DGKB: variants seen among roughly 807,000 people sequenced by gnomAD.
The protein encoded by DGKB is 90 kDa diacylglycerol kinase.
A neutral mutation model predicts 114.3 loss-of-function variants in DGKB; 67 were observed. The ratio of observed to expected loss-of-function variants is 0.59; its 90% confidence interval spans 0.48 to 0.72. The LOEUF (loss-of-function observed/expected upper bound fraction) is 0.72, where lower values mean the gene tolerates loss of function less well. DGKB is among the 30% of genes least tolerant of loss of function. The probability of loss-of-function intolerance (pLI) is 0.00; values close to 1 mark genes in which losing one functional copy is unlikely to be tolerated. For missense variants in DGKB, 907 were observed against 975.2 expected (o/e 0.93, Z 0.93); for synonymous variants, 398 against 323.1 (o/e 1.23, Z -2.49).
At position 14,327,868 on chromosome 7, in the gene DGKB, T is replaced by C. The variant is rs947083156; in HGVS notation, c.2122+10647A>G. 3.3e-5 allele frequency among the ~76,000 whole-genome samples: 5 copies of C among 152,268 alleles called. No individual in the cohort carries two copies. In the South Asian group the frequency reaches 6.2e-4, roughly 19 times the overall value. On this transcript the variant is annotated intron_variant, in intron 23 of 25. Transcript: ENST00000402815. ...AATACATTATTTCATTTTTGCTCAA[T>C]TACTTACTAGAGAAATGTATAAGTA... is the stretch of plus-strand genomic sequence containing the variant.
intron 2 of DGKB, among the ~76,000 whole-genome samples, chr7:14,804,538 T>A (rs1842570157): frequency 6.6e-6 from 1 of 152,074 alleles, no homozygotes; most frequent in Non-Finnish European, 1.5e-5. Flanking sequence ...GGTGTTCAGT[T>A]TTAGGTAGAA....
At chr7:14,850,340 CT>C (rs5882467) in intron 1 of DGKB, among the ~76,000 whole-genome samples, 62,869 of 151,516 alleles carry the variant, frequency 0.41, 14,233 homozygotes, top group East Asian at 0.89. Context: ...AATCGAGAGA[CT>C]TTTTTTTTCT....
At chr7:14,585,009 TC>T (rs1281319968) in intron 17 of DGKB, among the ~76,000 whole-genome samples, 2 of 152,132 alleles carry the variant, frequency 1.3e-5, no homozygotes, top group Non-Finnish European at 2.9e-5. Flanking sequence ...ACAGCAATCT[TC>T]GCATTTAAAT....
At position 14,504,561 on chromosome 7, in the gene DGKB, C is replaced by T. The variant is rs10226821; in HGVS notation, c.1771-26336G>A. ...GAATGTCATTCATCTGCTTGAGATGCATGATTACTAATGCACTGTAAAATT... is the reference window on the plus strand; with the variant it reads ...GAATGTCATTCATCTGCTTGAGATGTATGATTACTAATGCACTGTAAAATT... On this transcript the variant is annotated intron_variant, in intron 20 of 25. Coordinates refer to ENST00000402815, the MANE Select transcript of DGKB (RefSeq NM_001350709.2). Among the ~76,000 whole-genome samples, 1,463 of 152,190 alleles carry T rather than the reference C, an allele frequency of 9.6e-3. 19 individuals are homozygous for T. Among genetic ancestry groups the T allele is most frequent in the African/African-American group, 0.033 (1,369 of 41,524 alleles).
chr7:14,939,838 C>A (rs1453085437), intron 1 of DGKB, among the ~76,000 whole-genome samples: 1 of 151,952 alleles, frequency 6.6e-6, no homozygotes, highest in African/African-American at 2.4e-5. Context: ...TGGTCTTGAT[C>A]TCCTGACCTC....
rs544072808 is a variant in DGKB at position 14,536,473 on chromosome 7, T to C, written c.1770+37739A>G. Reference sequence around the variant, plus strand: ...AAAACAATTTTGTACCATGACCAAGTGATATTTATCTCTGGGATGCAAGGA... The same window carrying C: ...AAAACAATTTTGTACCATGACCAAGCGATATTTATCTCTGGGATGCAAGGA... On this transcript the variant is annotated intron_variant, in intron 20 of 25. Coordinates refer to ENST00000402815, the MANE Select transcript of DGKB (RefSeq NM_001350709.2). 3.3e-5 allele frequency among the ~76,000 whole-genome samples: 5 copies of C among 152,302 alleles called. No individual in the cohort carries two copies. The East Asian group carries it at 9.6e-4, about 29-fold the overall frequency.
At chr7:14,816,753 T>C (rs975749826) in intron 2 of DGKB, among the ~76,000 whole-genome samples, 3 of 152,212 alleles carry the variant, frequency 2.0e-5, no homozygotes, top group African/African-American at 7.2e-5. Context: ...TCCAATAGGA[T>C]GATATCTACA....
chr7:14,942,546 T>C (rs1469886858), intron 1 of DGKB, among the ~76,000 whole-genome samples: 1 of 152,072 alleles, frequency 6.6e-6, no homozygotes, highest in Non-Finnish European at 1.5e-5. Context: ...AGATATATTC[T>C]AACAGTGCTG....
intron 15 of DGKB, chr7:14,621,100 T>G (rs964211710): frequency 6.5e-6 from 2 of 308,420 alleles, no homozygotes; most frequent in African/African-American, 4.5e-5. Flanking sequence ...TTAATAAGTG[T>G]GTATATTTAG....
intron 5 of DGKB, among the ~76,000 whole-genome samples, chr7:14,726,573 T>C (rs372008698): frequency 5.3e-5 from 8 of 152,342 alleles, no homozygotes; most frequent in Admixed American, 5.2e-4. Context: ...GGTGGATACA[T>C]TGATTAAATC....
intron 21 of DGKB, among the ~76,000 whole-genome samples, chr7:14,369,546 A>T (rs1817272842): frequency 6.6e-6 from 1 of 152,152 alleles, no homozygotes; most frequent in Admixed American, 6.5e-5. Context: ...AATATTGTAA[A>T]AGTGTTCCTA....
intron 2 of DGKB, among the ~76,000 whole-genome samples, chr7:14,804,556 G>T (rs1842572523): frequency 1.3e-5 from 2 of 151,992 alleles, no homozygotes; most frequent in African/African-American, 4.8e-5. Context: ...GAAAATGTGT[G>T]TCCTCTTTCA....
At chr7:14,860,927 T>TTA (rs1850887962) in intron 1 of DGKB, among the ~76,000 whole-genome samples, 1 of 151,980 alleles carries the variant, frequency 6.6e-6, no homozygotes, top group Admixed American at 6.6e-5. Flanking sequence ...TTTCTGAGAA[T>TTA]TAAAGAAGAC....
intron 2 of DGKB, among the ~76,000 whole-genome samples, chr7:14,817,653 T>C (rs1210119297): frequency 6.6e-6 from 1 of 152,192 alleles, no homozygotes; most frequent in East Asian, 1.9e-4. Context: ...AAGAGTTAGG[T>C]CTTTTAATTA....
chr7:14,223,215 A>T (rs1790271424), intron 23 of DGKB, among the ~76,000 whole-genome samples: 1 of 151,476 alleles, frequency 6.6e-6, no homozygotes, highest in Admixed American at 6.6e-5. Flanking sequence ...TTGTAAATCT[A>T]TTGCTTTCTT....
At chr7:14,215,958 A>AATTT (rs1229521534) in intron 23 of DGKB, among the ~76,000 whole-genome samples, 1 of 152,136 alleles carries the variant, frequency 6.6e-6, no homozygotes, top group Admixed American at 6.6e-5. Flanking sequence ...TAAGCAGATT[A>AATTT]ATTTTCAGAT....
At chr7:14,932,853 C>T (rs1785093169) in intron 1 of DGKB, among the ~76,000 whole-genome samples, 1 of 151,988 alleles carries the variant, frequency 6.6e-6, no homozygotes, top group Non-Finnish European at 1.5e-5. Flanking sequence ...TAGTGGGAGG[C>T]TGGGGGAAAA....
At chr7:14,697,768 G>C (rs890367232) in intron 8 of DGKB, among the ~76,000 whole-genome samples, 6 of 121,432 alleles carry the variant, frequency 4.9e-5, no homozygotes, top group African/African-American at 8.1e-5. Context: ...AAGAAAGAAA[G>C]AAACAAAGAG....
At chr7:14,496,671 A>C (rs1335689770) in intron 20 of DGKB, among the ~76,000 whole-genome samples, 1 of 151,858 alleles carries the variant, frequency 6.6e-6, no homozygotes, top group Non-Finnish European at 1.5e-5. Context: ...TTTTTCTTTG[A>C]AACTTATTGG....
Sources: gnomAD v4.1 joint callset for allele counts (sites outside exome capture counted in the v4.1 genomes callset) on GRCh38, gnomAD v4.1.1 for gene constraint, MANE v1.5 for transcripts, NCBI Gene and HGNC (gene_info 2026-07-23, HGNC 2026-07-21) for gene names.